Variants in VPS13C observed in about 807,000 individuals in gnomAD.
VPS13C encodes the protein intermembrane lipid transfer protein VPS13C.
Under a neutral mutation model 456.8 loss-of-function variants are expected in VPS13C, and 358 were observed. The observed-to-expected ratio is 0.78, with a 90% CI of 0.72 to 0.86. The LOEUF (loss-of-function observed/expected upper bound fraction) is 0.86, where lower values mean the gene tolerates loss of function less well. Among genes scored for constraint, VPS13C ranks in the 40% least tolerant of loss-of-function variants. The pLI, the probability that VPS13C is intolerant of heterozygous loss-of-function variation, is 0.00. For synonymous variants in VPS13C, 1,578 were observed against 1,486.7 expected (o/e 1.06, Z -1.41); for missense variants, 4,818 against 4,385.4 (o/e 1.10, Z -2.79).
chr15:61,873,072 T>C (rs1009521205), intron 78 of VPS13C, among the ~76,000 whole-genome samples, 174 bp downstream of exon 78: 4 of 152,038 alleles, frequency 2.6e-5, no homozygotes, highest in African/African-American at 4.8e-5. Context: ...GGGATAGATC[T>C]GGTGGTGACA....
intron 66 of VPS13C, among the ~76,000 whole-genome samples, chr15:61,894,859 G>A (rs1193175607): frequency 1.3e-5 from 2 of 152,110 alleles, no homozygotes; most frequent in African/African-American, 2.4e-5. Flanking sequence ...AGAAACACTG[G>A]AGTTAAACTA....
chr15:61,906,401 C>T lies in VPS13C; in HGVS notation c.9105+863G>A, dbSNP rs561265072. Among the ~76,000 whole-genome samples, 3 of 152,252 alleles carry T rather than the reference C, an allele frequency of 2.0e-5. No individual in the cohort carries two copies. In the East Asian group the frequency reaches 5.8e-4, roughly 29 times the overall value. On this transcript the variant is annotated intron_variant, in intron 66 of 84. Transcript: ENST00000644861. ...ACCATGCTGTGAACAGAATTCTTCC[C>T]GGATCTCCTTCTATACACAGACCTT...
chr15:61,877,014 C>G lies in VPS13C; in HGVS notation c.10183G>C (p.Asp3395His), dbSNP rs1015652951. Reference sequence around the variant, plus strand: ...CTAACAACACTCCATATAAGCTGATCTCTCTTGTAGAACTGATATCGAATT... The same window carrying G: ...CTAACAACACTCCATATAAGCTGATGTCTCTTGTAGAACTGATATCGAATT... ...YEIRYQFYKR[D>H]QLIWSVVRHY... Residue 3395 changes from aspartate (D) to histidine (H), a missense_variant, in exon 75 of 85, where the codon GAT becomes CAT. Physicochemically the swap from Asp to His is moderately conservative, Grantham distance 81. Transcript: ENST00000644861. 5.6e-6 allele frequency: 9 copies of G among 1,609,940 alleles called. No homozygotes were observed. The highest frequency in any genetic ancestry group is 7.6e-6 in the Non-Finnish European group (9 of 1,177,706).
chr15:61,909,619 T>G (rs1355683187), intron 64 of VPS13C, among the ~76,000 whole-genome samples: 1 of 152,240 alleles, frequency 6.6e-6, no homozygotes, highest in Non-Finnish European at 1.5e-5. Flanking sequence ...TAAATTTTGA[T>G]AGCATGGTTT....
intron 82 of VPS13C, among the ~76,000 whole-genome samples, chr15:61,859,166 T>G (rs1894090030): frequency 1.3e-5 from 2 of 152,036 alleles, no homozygotes; most frequent in African/African-American, 4.8e-5. Flanking sequence ...AGCCCAGAGT[T>G]GAAGACCAGC....
chr15:61,866,496 C>G (rs1894601834), intron 81 of VPS13C: 1 of 984,546 alleles, frequency 1.0e-6, no homozygotes, highest in Admixed American at 6.2e-5. Flanking sequence ...AGCAATATAA[C>G]CAGTAAAATT....
rs558920861 is a variant in VPS13C, at chr15:61,975,425, G to T, written c.2409-1008C>A. 4.5e-4 allele frequency among the ~76,000 whole-genome samples: 68 copies of T among 151,964 alleles called. No homozygotes were observed. The South Asian group carries it at 0.014, about 30-fold the overall frequency. On this transcript the variant is annotated intron_variant, in intron 24 of 84. Transcript: ENST00000644861. ...GAAAAGGCACAAATTACTAACATCAGGACTAAAAGAAATAACATCACTACA... is the reference window on the plus strand; with the variant it reads ...GAAAAGGCACAAATTACTAACATCATGACTAAAAGAAATAACATCACTACA...
chr15:61,895,275 A>G (rs1030446686), intron 66 of VPS13C, among the ~76,000 whole-genome samples: 2 of 152,134 alleles, frequency 1.3e-5, no homozygotes, highest in African/African-American at 4.8e-5. Flanking sequence ...GATTTCAAAT[A>G]AACAACCTAA....
intron 9 of VPS13C, among the ~76,000 whole-genome samples, chr15:62,017,161 G>A (rs1407219142): frequency 1.3e-5 from 2 of 152,110 alleles, no homozygotes; most frequent in African/African-American, 2.4e-5. Flanking sequence ...ATTTGTTTGA[G>A]TTCTTTGTAG....
At chr15:62,047,014 G>C (rs1255705409) in intron 1 of VPS13C, among the ~76,000 whole-genome samples, 2 of 151,896 alleles carry the variant, frequency 1.3e-5, no homozygotes, top group Non-Finnish European at 1.5e-5. Context: ...GAAATTATAA[G>C]AAGGAAAATG....
At chr15:62,026,894 C>T (rs1248291464) in intron 6 of VPS13C, among the ~76,000 whole-genome samples, 4 of 152,088 alleles carry the variant, frequency 2.6e-5, no homozygotes, top group Admixed American at 2.6e-4. Context: ...ACAGTGACTA[C>T]TACTACAGTC....
chr15:62,008,280 C>A (rs538092053), intron 14 of VPS13C, among the ~76,000 whole-genome samples: 3 of 151,578 alleles, frequency 2.0e-5, no homozygotes, highest in Admixed American at 1.3e-4. Context: ...ACACCCCGTA[C>A]CCCCAGCTAC....
chr15:61,882,454 G>A (rs899931247), intron 69 of VPS13C, 142 bp downstream of exon 69: 5 of 812,900 alleles, frequency 6.2e-6, no homozygotes, highest in African/African-American at 1.8e-5. Flanking sequence ...AAATAAACAG[G>A]ATATGTGGAA....
Position 61,983,347 on chromosome 15 carries a change from A to G in VPS13C, c.1914+473T>C, listed in dbSNP as rs958317868. 4.6e-5 allele frequency among the ~76,000 whole-genome samples: 7 copies of G among 152,216 alleles called. No homozygotes were observed. In the East Asian group the frequency reaches 1.2e-3, roughly 25 times the overall value. On this transcript the variant is annotated intron_variant, in intron 20 of 84. Transcript: ENST00000644861. ...ATAAGATAGCATGAATAAAAGGTAA[A>G]GTCATAGATACAGAACCTGAGCCAG...
At chr15:61,936,880 C>CTATAAA in intron 47 of VPS13C, 130 bp from the exon 48 acceptor site, 1 of 958,332 alleles carries the variant, frequency 1.0e-6, no homozygotes, top group South Asian at 1.8e-5. Flanking sequence ...AGAGTTAGGA[C>CTATAAA]TATAAATACC....
intron 77 of VPS13C, among the ~76,000 whole-genome samples, chr15:61,873,705 C>CT (rs757033781): frequency 2.0e-5 from 3 of 151,844 alleles, no homozygotes; most frequent in Non-Finnish European, 4.4e-5. Flanking sequence ...AAAGGGAATG[C>CT]TTACACACTG....
At chr15:61,953,760 C>CT in intron 38 of VPS13C, among the ~76,000 whole-genome samples, 1 of 152,088 alleles carries the variant, frequency 6.6e-6, no homozygotes, top group Non-Finnish European at 1.5e-5. Context: ...TCTTTAAAAA[C>CT]TTCATTGAAA....
chr15:61,900,612 A>C (rs2042967800), intron 66 of VPS13C, among the ~76,000 whole-genome samples: 1 of 149,758 alleles, frequency 6.7e-6, no homozygotes, highest in Non-Finnish European at 1.5e-5. Flanking sequence ...ATAAAAGAGG[A>C]TACAAACAAA....
rs1198238826 is a variant in VPS13C, at chr15:61,856,363, C to T, written c.10999G>A (p.Val3667Ile). 1 of 1,613,390 alleles carries T rather than the reference C, an allele frequency of 6.2e-7. No individual in the cohort carries two copies. Among genetic ancestry groups the T allele is most frequent in the Non-Finnish European group, 8.5e-7 (1 of 1,179,616 alleles). ...TCTTCAAATGGACATTGCCAGTCTA[C>T]ACACATAAGGCCCAGGATTTCAACT... ...KEVEILGLMC[V>I]DWQCPFEDFV... Residue 3667 changes from valine to isoleucine, a missense_variant, in exon 83 of 85, where the codon GTA becomes ATA. Val to Ile is a conservative substitution (Grantham distance 29). Around this residue, in one of 3 missense-constraint regions of VPS13C, gnomAD observed 261 missense variants for 234.1 expected, o/e 1.11. Transcript: ENST00000644861.
Sources: allele counts gnomAD v4.1 joint callset (sites outside exome capture counted in the v4.1 genomes callset), GRCh38; gene constraint gnomAD v4.1.1; regional missense constraint gnomAD v4.1.1; transcripts MANE v1.5; gene names NCBI Gene and HGNC (gene_info 2026-07-23, HGNC 2026-07-21).